NIBAN2: variants seen among roughly 807,000 people sequenced by gnomAD.
NIBAN2 encodes niban apoptosis regulator 2, also known as protein Niban 2.
NIBAN2 carries 36 observed loss-of-function variants against 81.8 expected under a neutral mutation model. The observed-to-expected ratio is 0.44, with a 90% CI of 0.34 to 0.58. The LOEUF (loss-of-function observed/expected upper bound fraction) is 0.58, where lower values mean the gene tolerates loss of function less well. Among genes scored for constraint, NIBAN2 ranks in the 20% least tolerant of loss-of-function variants. The pLI is 0.02. For missense variants in NIBAN2, 897 were observed against 1,014.1 expected (o/e 0.88, Z 1.57); for synonymous variants, 445 against 441.6 (o/e 1.01, Z -0.10).
At chr9:127,531,052 C>T (rs1211115276) in intron 2 of NIBAN2, among the ~76,000 whole-genome samples, 2 of 151,678 alleles carry the variant, frequency 1.3e-5, no homozygotes, top group Admixed American at 1.3e-4. Context: ...TGATGGTGTG[C>T]ACCTGTAGTC....
At chr9:127,533,968 G>T (rs549891146) in intron 1 of NIBAN2, among the ~76,000 whole-genome samples, 1 of 152,346 alleles carries the variant, frequency 6.6e-6, no homozygotes, top group East Asian at 1.9e-4. Flanking sequence ...CTTGAAGGCA[G>T]GCCCAGGCCA....
chr9:127,524,955 C>T (rs191481064), intron 4 of NIBAN2, 103 bp downstream of exon 4: 32 of 850,614 alleles, frequency 3.8e-5, no homozygotes, highest in African/African-American at 1.3e-4. Context: ...TTGGTCTCTC[C>T]GCAAACATGG....
intron 1 of NIBAN2, among the ~76,000 whole-genome samples, chr9:127,577,657 A>G (rs551198291): frequency 2.6e-5 from 4 of 152,126 alleles, no homozygotes; most frequent in South Asian, 4.2e-4. Flanking sequence ...TCCAGATCCA[A>G]TCCTAGAGTT....
rs1837032352 is a variant in NIBAN2 at position 127,524,962 on chromosome 9, A to AGT, written c.421+95_421+96insAC. On this transcript the variant is annotated intron_variant, in intron 4 of 13. Transcript: ENST00000373312. ...AAGCCTAGTTGGTCTCTCCGCAAAC[A>AGT]TGGGGCTGAAAGCAATGGGCTCAGG... The AGT allele has an allele frequency of 4.5e-6, 4 of 898,588 alleles. No individual in the cohort carries two copies. In the East Asian group the frequency reaches 9.7e-5, roughly 22 times the overall value. 55.7% of individuals were successfully genotyped at this position (898,588 alleles called of 1,614,324 possible). A position where few individuals can be genotyped will look rare whatever the true frequency, so the allele number is the denominator to read the frequency against.
intron 5 of NIBAN2, among the ~76,000 whole-genome samples, chr9:127,519,313 C>T (rs1296206033): frequency 6.6e-6 from 1 of 152,000 alleles, no homozygotes; most frequent in Non-Finnish European, 1.5e-5. Context: ...CTGAGTGAGG[C>T]GTGGACCTCC....
rs1837276273 is a variant in NIBAN2, at chr9:127,536,227, G to A, written c.56-4449C>T. Among the ~76,000 whole-genome samples, 1 of 152,204 alleles carries A rather than the reference G, an allele frequency of 6.6e-6. No homozygotes were observed. The highest frequency in any genetic ancestry group is 6.5e-5 in the Admixed American group (1 of 15,284). The stretch of plus-strand genomic sequence containing the variant: ...AGGACTCGGGTGCTGGGGACCCCAG[G>A]TGTGGAGGCCAGAGGGACCCAAAAG... On this transcript the variant is annotated intron_variant, in intron 1 of 13. Coordinates refer to ENST00000373312, the MANE Select transcript of NIBAN2 (RefSeq NM_022833.4). The surrounding 1 kb of genome is among the most constrained non-coding windows in gnomAD (Gnocchi z 4.0).
chr9:127,555,698 T>C (rs1280237694), intron 1 of NIBAN2, among the ~76,000 whole-genome samples: 1 of 152,238 alleles, frequency 6.6e-6, no homozygotes, highest in Non-Finnish European at 1.5e-5. Context: ...CAGTGGGCTG[T>C]GTTTCCTCCT....
intron 2 of NIBAN2, among the ~76,000 whole-genome samples, chr9:127,529,784 T>C (rs1757385829): frequency 6.6e-6 from 1 of 152,220 alleles, no homozygotes; most frequent in African/African-American, 2.4e-5. Flanking sequence ...CCACTGGTGA[T>C]TAATATTATT....
intron 1 of NIBAN2, among the ~76,000 whole-genome samples, chr9:127,547,059 C>T (rs1837484704): frequency 6.6e-6 from 1 of 151,802 alleles, no homozygotes. Context: ...TAATCCATTC[C>T]ACAAAGATTT....
At chr9:127,540,960 C>T (rs1296142855) in intron 1 of NIBAN2, among the ~76,000 whole-genome samples, 2 of 152,220 alleles carry the variant, frequency 1.3e-5, no homozygotes, top group Admixed American at 6.5e-5. Context: ...TAGGGTGGGG[C>T]AGGCTCAGAA....
intron 1 of NIBAN2, among the ~76,000 whole-genome samples, chr9:127,540,687 G>T (rs1837361720): frequency 6.6e-6 from 1 of 152,226 alleles, no homozygotes; most frequent in East Asian, 1.9e-4. Flanking sequence ...CTGAAACCCT[G>T]TTCCACACGG....
upstream of NIBAN2, among the ~76,000 whole-genome samples, chr9:127,573,884 C>T (rs142875290): frequency 9.5e-3 from 1,440 of 152,266 alleles, 12 homozygotes; most frequent in Non-Finnish European, 0.012. Flanking sequence ...TCTGGAACTC[C>T]TGACCACAAG....
intron 1 of NIBAN2, among the ~76,000 whole-genome samples, chr9:127,576,095 G>A (rs537800427): frequency 2.4e-4 from 37 of 152,298 alleles, no homozygotes; most frequent in African/African-American, 8.9e-4. Context: ...CCTTCGACAT[G>A]ACATCACTAG....
At chr9:127,578,952 G>A in exon 1 of NIBAN2, 1 of 1,608,322 alleles carries the variant, frequency 6.2e-7, no homozygotes, top group Non-Finnish European at 8.5e-7. Flanking sequence ...CAGAGTGAGA[G>A]CCCCAAAAGG....
At chr9:127,568,793 G>A in intron 1 of NIBAN2, 27 bp downstream of exon 1, 2 of 1,292,932 alleles carry the variant, frequency 1.5e-6, no homozygotes, top group Non-Finnish European at 2.0e-6. Context: ...AGGCCCCTGG[G>A]CGCGCGTGGC....
In NIBAN2 at chr9:127,536,633, C is replaced by T. The variant is rs576594673; in HGVS notation, c.56-4855G>A. ...TGCCGCAGCCTCTGGAGACACCACA[C>T]GCCACGGATTTGGGGCAGATGTTGG... On this transcript the variant is annotated intron_variant, in intron 1 of 13. Transcript: ENST00000373312. The surrounding 1 kb of genome is among the most constrained non-coding windows in gnomAD (Gnocchi z 4.0). Among the ~76,000 whole-genome samples the T allele has an allele frequency of 9.2e-5, 14 of 152,360 alleles. No homozygotes were observed. In the East Asian group the frequency reaches 1.7e-3, roughly 19 times the overall value.
chr9:127,526,398 C>CAAAAA (rs71495649), intron 3 of NIBAN2, among the ~76,000 whole-genome samples: 2 of 92,586 alleles, frequency 2.2e-5, no homozygotes, highest in African/African-American at 8.6e-5. Context: ...GACTTCATCT[C>CAAAAA]AAAAAAAAAA....
chr9:127,540,143 CAGCCA>C (rs1837350708), intron 1 of NIBAN2, among the ~76,000 whole-genome samples: 1 of 152,224 alleles, frequency 6.6e-6, no homozygotes, highest in African/African-American at 2.4e-5. Flanking sequence ...GCTCCAACAG[CAGCCA>C]AGGCGGCCGG....
At chr9:127,553,541 G>A (rs1030580374) in intron 1 of NIBAN2, among the ~76,000 whole-genome samples, 1 of 152,230 alleles carries the variant, frequency 6.6e-6, no homozygotes, top group Non-Finnish European at 1.5e-5. Flanking sequence ...AACCATCCCT[G>A]TGCTACAGAT....
Sources: gnomAD v4.1 joint callset for allele counts (sites outside exome capture counted in the v4.1 genomes callset) on GRCh38, gnomAD v4.1.1 for gene constraint, Gnocchi (gnomAD v3.1) non-coding constraint, MANE v1.5 for transcripts, NCBI Gene and HGNC (gene_info 2026-07-23, HGNC 2026-07-21) for gene names.